The following DLC1 variants were observed in gnomAD, a reference collection of about 807,000 sequenced individuals.
DLC1 encodes the protein DLC1 Rho GTPase activating protein.
A neutral mutation model predicts 140.3 loss-of-function variants in DLC1; 54 were observed. The observed-to-expected ratio is 0.38, with a 90% CI of 0.31 to 0.48. DLC1 has a LOEUF of 0.48. Ranked by LOEUF, DLC1 falls within the 20% of genes least tolerant of loss-of-function variation. The probability of loss-of-function intolerance (pLI) is 0.96; values close to 1 mark genes in which losing one functional copy is unlikely to be tolerated. For missense variants in DLC1, 2,536 were observed against 1,907.0 expected (o/e 1.33, Z -6.14); for synonymous variants, 986 against 728.1 (o/e 1.35, Z -5.70).
At chr8:13,508,643 C>G (rs145923426) in intron 1 of DLC1, among the ~76,000 whole-genome samples, 1 of 152,130 alleles carries the variant, frequency 6.6e-6, no homozygotes, top group Non-Finnish European at 1.5e-5. Flanking sequence ...TGGTCTTGAT[C>G]TCCTGACCTC....
At chr8:13,543,277 C>T (rs998148117) in intron 1 of DLC1, among the ~76,000 whole-genome samples, 2 of 152,010 alleles carry the variant, frequency 1.3e-5, no homozygotes, top group Non-Finnish European at 2.9e-5. Context: ...TGTAGTCTTT[C>T]GTGAAGTAGT....
At chr8:13,520,483 G>A (rs1305344884) in intron 1 of DLC1, among the ~76,000 whole-genome samples, 1 of 152,076 alleles carries the variant, frequency 6.6e-6, no homozygotes, top group African/African-American at 2.4e-5. Flanking sequence ...GGGGTTGGGG[G>A]CTAGGGGAGG....
intron 5 of DLC1, among the ~76,000 whole-genome samples, chr8:13,138,917 T>C (rs1822764423): frequency 6.6e-6 from 1 of 152,184 alleles, no homozygotes; most frequent in East Asian, 1.9e-4. Flanking sequence ...ACTCAGACCT[T>C]CTATTGATTA....
chr8:13,481,354 G>C (rs567300469), intron 2 of DLC1, among the ~76,000 whole-genome samples: 3 of 152,308 alleles, frequency 2.0e-5, no homozygotes, highest in East Asian at 3.9e-4. Flanking sequence ...CTGAGTCTGG[G>C]AAGTTGAGGC....
At chr8:13,504,440 G>C (rs929758437) in intron 1 of DLC1, among the ~76,000 whole-genome samples, 12 of 152,280 alleles carry the variant, frequency 7.9e-5, no homozygotes, top group African/African-American at 2.6e-4. Context: ...AGAACATTAA[G>C]AGAAGAAATT....
intron 3 of DLC1, among the ~76,000 whole-genome samples, chr8:13,396,633 C>A (rs1837056390): frequency 6.6e-6 from 1 of 152,096 alleles, no homozygotes; most frequent in Non-Finnish European, 1.5e-5. Flanking sequence ...GTAGAGCTGG[C>A]ATTAGAGTTC....
At chr8:13,565,873 T>C (rs897590882) in intron 1 of DLC1, among the ~76,000 whole-genome samples, 1 of 152,236 alleles carries the variant, frequency 6.6e-6, no homozygotes, top group African/African-American at 2.4e-5. Context: ...GTTTTTTAAA[T>C]GAATCCATTA....
chr8:13,495,169 A>G (rs1044844326), intron 2 of DLC1, among the ~76,000 whole-genome samples: 3 of 152,196 alleles, frequency 2.0e-5, no homozygotes, highest in Non-Finnish European at 4.4e-5. Context: ...AGACATTTAT[A>G]TAATTATTAT....
At chr8:13,238,694 C>G (rs148944840) in intron 5 of DLC1, among the ~76,000 whole-genome samples, 1 of 152,136 alleles carries the variant, frequency 6.6e-6, no homozygotes, top group African/African-American at 2.4e-5. Flanking sequence ...CAGGTCTCTC[C>G]TAGGCTGGGA....
chr8:13,457,511 T>C (rs1031180149), intron 2 of DLC1, among the ~76,000 whole-genome samples: 2 of 151,868 alleles, frequency 1.3e-5, no homozygotes, highest in African/African-American at 4.8e-5. Flanking sequence ...ACCCTGTCTC[T>C]ACCAAAACTA....
chr8:13,302,109 A>T (rs1451102451), intron 5 of DLC1, among the ~76,000 whole-genome samples: 1 of 152,370 alleles, frequency 6.6e-6, no homozygotes, highest in East Asian at 1.9e-4. Flanking sequence ...TCAGATCCTA[A>T]GAAGGCACAT....
chr8:13,484,011 C>T (rs1800855897), intron 2 of DLC1, among the ~76,000 whole-genome samples: 1 of 152,062 alleles, frequency 6.6e-6, no homozygotes, highest in African/African-American at 2.4e-5. Context: ...ACCTGGGAGG[C>T]AGAGGTTGCA....
At chr8:13,291,845 TAGAGAC>T (rs1831768272) in intron 5 of DLC1, among the ~76,000 whole-genome samples, 1 of 152,136 alleles carries the variant, frequency 6.6e-6, no homozygotes, top group African/African-American at 2.4e-5. Flanking sequence ...TGGGAAATAA[TAGAGAC>T]AGAGCAAGAG....
chr8:13,374,991 CTGTT>C (rs1835902944), intron 4 of DLC1, among the ~76,000 whole-genome samples: 2 of 149,754 alleles, frequency 1.3e-5, no homozygotes, highest in African/African-American at 2.5e-5. Context: ...ATTTGGCTCT[CTGTT>C]TGTCTGTTAT....
chr8:13,324,362 A>T (rs1488373685), intron 4 of DLC1, among the ~76,000 whole-genome samples: 1 of 144,802 alleles, frequency 6.9e-6, no homozygotes, highest in Non-Finnish European at 1.5e-5. Flanking sequence ...AGGTCAGGAG[A>T]TCGAGACCAT....
chr8:13,421,326 C>T (rs988516388), intron 2 of DLC1, among the ~76,000 whole-genome samples: 4 of 151,946 alleles, frequency 2.6e-5, no homozygotes, highest in African/African-American at 7.2e-5. Context: ...CTCTGCAACC[C>T]CTAAAGTACC....
chr8:13,410,115 A>G (rs988792509), intron 2 of DLC1, among the ~76,000 whole-genome samples: 1 of 152,130 alleles, frequency 6.6e-6, no homozygotes, highest in African/African-American at 2.4e-5. Flanking sequence ...TAAATATCAA[A>G]AAGGGCATTT....
chr8:13,384,127 A>G (rs1836400672), intron 4 of DLC1, among the ~76,000 whole-genome samples: 1 of 152,236 alleles, frequency 6.6e-6, no homozygotes, highest in Admixed American at 6.5e-5. Flanking sequence ...ATAATTTATT[A>G]TACAACAACA....
chr8:13,427,449 CT>C (rs1387022214), intron 2 of DLC1, among the ~76,000 whole-genome samples: 1 of 152,202 alleles, frequency 6.6e-6, no homozygotes, highest in Admixed American at 6.5e-5. Flanking sequence ...CACACCAATT[CT>C]TTCCCATTGT....
Sources: allele counts gnomAD v4.1 joint callset (sites outside exome capture counted in the v4.1 genomes callset), GRCh38; gene constraint gnomAD v4.1.1; transcripts MANE v1.5; gene names NCBI Gene and HGNC (gene_info 2026-07-23, HGNC 2026-07-21).